Variants in BAIAP2 observed in about 807,000 individuals in gnomAD.
The protein encoded by BAIAP2 is BAR/IMD domain containing adaptor protein 2, also known as BAR/IMD domain-containing adapter protein 2.
BAIAP2 carries 18 observed loss-of-function variants against 63.0 expected under a neutral mutation model. The observed-to-expected ratio is 0.29, with a 90% confidence interval of 0.20 to 0.42. The LOEUF is 0.42. BAIAP2 is among the 10% of genes least tolerant of loss of function. The pLI, the probability that BAIAP2 is intolerant of heterozygous loss-of-function variation, is 1.00. For missense variants in BAIAP2, 610 were observed against 734.3 expected (o/e 0.83, Z 1.96); for synonymous variants, 386 against 307.6 (o/e 1.25, Z -2.67).
intron 2 of BAIAP2, among the ~76,000 whole-genome samples, chr17:81,054,983 TA>T (rs1392506224): frequency 7.2e-5 from 11 of 152,184 alleles, no homozygotes; most frequent in African/African-American, 2.7e-4. Flanking sequence ...TCTGTCCCTG[TA>T]ACTGCAGCAT....
At chr17:81,106,939 C>T in intron 12 of BAIAP2, 32 bp downstream of exon 12, 1 of 1,476,594 alleles carries the variant, frequency 6.8e-7, no homozygotes, top group Non-Finnish European at 9.0e-7. Flanking sequence ...TGGGAGGGGC[C>T]CGCAGGTGGA....
intron 1 of BAIAP2, among the ~76,000 whole-genome samples, chr17:81,050,520 G>A (rs2048503916): frequency 6.6e-6 from 1 of 152,198 alleles, no homozygotes; most frequent in South Asian, 2.1e-4. Context: ...TGCTGCTCAG[G>A]ATGTTAGTGG....
At chr17:81,088,179 A>G (rs1285247422) in intron 6 of BAIAP2, among the ~76,000 whole-genome samples, 1 of 152,028 alleles carries the variant, frequency 6.6e-6, no homozygotes, top group Admixed American at 6.5e-5. Context: ...GCAGGTCAGG[A>G]CAGTGCAGGT....
intron 3 of BAIAP2, among the ~76,000 whole-genome samples, chr17:81,071,999 C>A (rs997704481): frequency 1.6e-4 from 24 of 152,248 alleles, no homozygotes; most frequent in Admixed American, 7.8e-4. Flanking sequence ...CCTCTGCTTC[C>A]GGCCTCCCCG....
At chr17:81,069,590 C>T (rs888144250) in intron 3 of BAIAP2, among the ~76,000 whole-genome samples, 3 of 152,252 alleles carry the variant, frequency 2.0e-5, no homozygotes, top group African/African-American at 7.2e-5. Flanking sequence ...CCTGCCTCTG[C>T]AGTAGCCCCT....
At chr17:81,094,506 G>A (rs185300390) in intron 6 of BAIAP2, among the ~76,000 whole-genome samples, 48 of 152,262 alleles carry the variant, frequency 3.2e-4, no homozygotes, top group Admixed American at 5.2e-4. Context: ...CCTTCCTTGG[G>A]GAGCGGAATG....
chr17:81,075,225 C>T (rs917333425), intron 3 of BAIAP2, among the ~76,000 whole-genome samples: 1 of 152,198 alleles, frequency 6.6e-6, no homozygotes, highest in Non-Finnish European at 1.5e-5. Flanking sequence ...GCCAGGTCTG[C>T]GCCTGTGCTG....
chr17:81,105,025 T>C (rs2058971980), intron 10 of BAIAP2: 1 of 263,954 alleles, frequency 3.8e-6, no homozygotes. Context: ...GGCAGGTATC[T>C]CCCCCAATGG....
intron 6 of BAIAP2, among the ~76,000 whole-genome samples, chr17:81,095,866 C>T (rs369737462): frequency 2.8e-4 from 43 of 152,304 alleles, no homozygotes; most frequent in Admixed American, 5.9e-4. Flanking sequence ...ACTCTCTTCC[C>T]GGCCAGGGAG....
intron 13 of BAIAP2, chr17:81,110,519 T>A (rs2059792240): frequency 9.2e-7 from 1 of 1,087,330 alleles, no homozygotes; most frequent in Admixed American, 4.8e-5. Flanking sequence ...TTGCACGAGT[T>A]GGGTATGGAC....
At chr17:81,093,169 C>A (rs920463654) in intron 6 of BAIAP2, among the ~76,000 whole-genome samples, 3 of 152,028 alleles carry the variant, frequency 2.0e-5, no homozygotes, top group African/African-American at 7.3e-5. Context: ...GGAGCCCCGG[C>A]CCGCTGGATG....
chr17:81,043,006 T>C (rs1448240098), intron 1 of BAIAP2, among the ~76,000 whole-genome samples: 1 of 152,172 alleles, frequency 6.6e-6, no homozygotes, highest in Non-Finnish European at 1.5e-5. Context: ...AAGCTGGGAT[T>C]ACAGGTGTGC....
At chr17:81,085,770 C>T (rs573286880) in intron 5 of BAIAP2, 45 bp downstream of exon 5, 3 of 1,506,362 alleles carry the variant, frequency 2.0e-6, no homozygotes, top group Non-Finnish European at 2.8e-6. Context: ...TGCCTGGGCT[C>T]CGGCTCTCCC....
intron 3 of BAIAP2, among the ~76,000 whole-genome samples, chr17:81,065,506 C>T (rs1471455325): frequency 6.6e-6 from 1 of 152,162 alleles, no homozygotes; most frequent in Non-Finnish European, 1.5e-5. Flanking sequence ...CCTGGGTGGA[C>T]GTGGCACTGG....
rs763241412 is a variant in BAIAP2 at position 81,104,120 on chromosome 17, G to C, written c.1066+12G>C. On this transcript the variant is annotated intron_variant, in intron 9 of 13. Coordinates refer to ENST00000428708, the MANE Select transcript of BAIAP2 (RefSeq NM_001144888.2). ...CAGCTATGCCACCAGTAAGGGCTCCGCTGGGGTGTTGGGCTGGGGTCCCTG... is the reference window on the plus strand; with the variant it reads ...CAGCTATGCCACCAGTAAGGGCTCCCCTGGGGTGTTGGGCTGGGGTCCCTG... 1 of 1,612,494 alleles carries C rather than the reference G, an allele frequency of 6.2e-7. No individual in the cohort carries two copies. The highest frequency in any genetic ancestry group is 1.6e-4 in the Middle Eastern group (1 of 6,062).
intron 2 of BAIAP2, 113 bp from the exon 3 acceptor site, chr17:81,057,768 G>T: frequency 7.0e-7 from 1 of 1,432,076 alleles, no homozygotes; most frequent in Non-Finnish European, 9.2e-7. Context: ...CTCCCAGCTT[G>T]TCTGGGCAGG....
intron 6 of BAIAP2, among the ~76,000 whole-genome samples, chr17:81,088,610 G>A (rs1293880307): frequency 6.6e-6 from 1 of 152,228 alleles, no homozygotes; most frequent in Non-Finnish European, 1.5e-5. Context: ...ACAGTGTCCG[G>A]CCTTTGGTGC....
intron 1 of BAIAP2, chr17:81,053,410 A>G: frequency 1.9e-6 from 1 of 522,950 alleles, no homozygotes; most frequent in African/African-American, 1.9e-5. Flanking sequence ...TTCAGCCCGC[A>G]GACACTCCTC....
rs542441815 is a variant in BAIAP2, at chr17:81,066,012, C to T, written c.217+8045C>T. The stretch of plus-strand genomic sequence containing the variant: ...TGCACTTCCTTTGTGTGGTCAGACC[C>T]GCATGTCCAGCCTGTCTATCTGGGG... On this transcript the variant is annotated intron_variant, in intron 3 of 13. Transcript: ENST00000428708. 1.4e-3 allele frequency among the ~76,000 whole-genome samples: 207 copies of T among 152,336 alleles called. 1 individual carries two copies. The highest frequency in any genetic ancestry group is 5.0e-3 in the African/African-American group (207 of 41,584).
Sources: gnomAD v4.1 joint callset for allele counts (sites outside exome capture counted in the v4.1 genomes callset) on GRCh38, gnomAD v4.1.1 for gene constraint, MANE v1.5 for transcripts, NCBI Gene and HGNC (gene_info 2026-07-23, HGNC 2026-07-21) for gene names.